The following WWTR1 variants were observed in gnomAD, a reference collection of about 807,000 sequenced individuals.
WWTR1 encodes WW domain-containing transcription regulator protein 1.
In WWTR1, 13 loss-of-function variants were observed where a neutral mutation model predicts 40.1. That is an observed-to-expected ratio of 0.32 (90% CI 0.21 to 0.52). The LOEUF (loss-of-function observed/expected upper bound fraction) is 0.52, where lower values mean the gene tolerates loss of function less well. WWTR1 is among the 20% of genes least tolerant of loss of function. The pLI, the probability that WWTR1 is intolerant of heterozygous loss-of-function variation, is 0.97. For synonymous variants in WWTR1, 230 were observed against 210.1 expected, an observed-to-expected ratio of 1.09 and a Z score of -0.82; for missense variants, 436 against 523.1, an observed-to-expected ratio of 0.83 and a Z score of 1.63.
At chr3:149,611,082 A>T (rs908403390) in intron 2 of WWTR1, among the ~76,000 whole-genome samples, 1 of 152,116 alleles carries the variant, frequency 6.6e-6, no homozygotes, top group Non-Finnish European at 1.5e-5. Flanking sequence ...TGACCCCAGG[A>T]ATTCAAGGCT....
chr3:149,599,698 T>C (rs191295780), intron 2 of WWTR1, among the ~76,000 whole-genome samples: 226 of 152,240 alleles, frequency 1.5e-3, no homozygotes, highest in African/African-American at 5.0e-3. Flanking sequence ...CTCAAGAGTA[T>C]CATTAAATCA....
chr3:149,713,672 C>T (rs372129687), intron 5 of WWTR1, among the ~76,000 whole-genome samples: 1 of 152,234 alleles, frequency 6.6e-6, no homozygotes, highest in South Asian at 2.1e-4. Flanking sequence ...TGAGCCACAG[C>T]GCCCGTCCTA....
At position 149,634,778 on chromosome 3, in the gene WWTR1, G is replaced by A. The variant is rs1004614742; in HGVS notation, c.431+22098C>T. ...TCAGCTGGCATTCGCCCTTTCACACGGATGTGCTTTCCAGACACTACCTCA... is the reference window on the plus strand; with the variant it reads ...TCAGCTGGCATTCGCCCTTTCACACAGATGTGCTTTCCAGACACTACCTCA... On this transcript the variant is annotated intron_variant, in intron 2 of 6. Transcript: ENST00000360632. 1.1e-4 allele frequency among the ~76,000 whole-genome samples: 16 copies of A among 152,310 alleles called. 1 individual carries two copies. In the Middle Eastern group the frequency reaches 0.027, roughly 259 times the overall value.
rs373242351 is a variant in WWTR1 at position 149,576,927 on chromosome 3, G to A, written c.432-3927C>T. On this transcript the variant is annotated intron_variant, in intron 2 of 6. Transcript: ENST00000360632. ...ATAAGCAGCACTTTGGGAGGCCGAG[G>A]TGGGCAGATCACCTGAGGTTGGGAG... 2.3e-4 allele frequency among the ~76,000 whole-genome samples: 35 copies of A among 152,302 alleles called. No homozygotes were observed. In the East Asian group the frequency reaches 5.0e-3, roughly 22 times the overall value.
chr3:149,684,474 A>G (rs940286872), intron 1 of WWTR1, among the ~76,000 whole-genome samples: 3 of 152,164 alleles, frequency 2.0e-5, no homozygotes, highest in South Asian at 2.1e-4. Flanking sequence ...ATAAAAACAA[A>G]TCAGTGTGTC....
At chr3:149,643,974 C>A (rs58859864) in intron 2 of WWTR1, among the ~76,000 whole-genome samples, 2,316 of 152,228 alleles carry the variant, frequency 0.015, 39 homozygotes, top group East Asian at 0.088. Context: ...CTATCTGTAA[C>A]CTCTCTAAGA....
At chr3:149,603,543 G>C (rs7631676) in intron 2 of WWTR1, among the ~76,000 whole-genome samples, 2 of 135,220 alleles carry the variant, frequency 1.5e-5, no homozygotes, top group African/African-American at 6.5e-5. Flanking sequence ...AGTTACAAAG[G>C]TTCCCCACCC....
chr3:149,700,428 C>T (rs994699389), intron 1 of WWTR1, among the ~76,000 whole-genome samples: 1 of 152,060 alleles, frequency 6.6e-6, no homozygotes, highest in African/African-American at 2.4e-5. Context: ...TCAGTGAGTA[C>T]AGAAAGGGTG....
chr3:149,635,963 T>G (rs1033265626), intron 2 of WWTR1, among the ~76,000 whole-genome samples: 1 of 152,200 alleles, frequency 6.6e-6, no homozygotes, highest in Non-Finnish European at 1.5e-5. Flanking sequence ...TTTTCTGAGA[T>G]CTGAAAAGAT....
intron 2 of WWTR1, among the ~76,000 whole-genome samples, chr3:149,627,665 C>T (rs1247664982): frequency 1.3e-5 from 2 of 152,200 alleles, no homozygotes; most frequent in African/African-American, 2.4e-5. Flanking sequence ...CAGCGGGGTT[C>T]ACCTCCAAAA....
chr3:149,626,181 C>T (rs774711516), intron 2 of WWTR1, among the ~76,000 whole-genome samples: 3 of 152,146 alleles, frequency 2.0e-5, no homozygotes, highest in African/African-American at 4.8e-5. Flanking sequence ...TTGGGAAAAC[C>T]GTGCATTTGA....
chr3:149,674,858 T>A (rs1714211484), intron 1 of WWTR1, among the ~76,000 whole-genome samples: 1 of 152,238 alleles, frequency 6.6e-6, no homozygotes, highest in Admixed American at 6.5e-5. Flanking sequence ...TCTTATATTC[T>A]ATGGTTTAAA....
chr3:149,522,956 C>T (rs1185871745), intron 6 of WWTR1, among the ~76,000 whole-genome samples: 2 of 151,722 alleles, frequency 1.3e-5, no homozygotes, highest in Non-Finnish European at 2.9e-5. Flanking sequence ...ATCCCAGCTA[C>T]TCAGGAGGCT....
At chr3:149,671,458 T>G (rs1301059991) in intron 1 of WWTR1, among the ~76,000 whole-genome samples, 3 of 152,218 alleles carry the variant, frequency 2.0e-5, no homozygotes, top group African/African-American at 7.2e-5. Flanking sequence ...TCTTCAAAAG[T>G]TTCTGCTGGC....
At chr3:149,612,107 A>G (rs928721434) in intron 2 of WWTR1, among the ~76,000 whole-genome samples, 2 of 152,160 alleles carry the variant, frequency 1.3e-5, no homozygotes. Context: ...AGACACTCAT[A>G]TTGGAAAGGT....
intron 1 of WWTR1, among the ~76,000 whole-genome samples, chr3:149,683,488 A>T (rs1714528074): frequency 6.6e-6 from 1 of 152,088 alleles, no homozygotes; most frequent in Non-Finnish European, 1.5e-5. Context: ...GAGGTCAGGA[A>T]TTCTATACCA....
At chr3:149,587,668 G>A (rs1201510362) in intron 2 of WWTR1, among the ~76,000 whole-genome samples, 1 of 152,192 alleles carries the variant, frequency 6.6e-6, no homozygotes, top group Non-Finnish European at 1.5e-5. Context: ...CTTAGGAGTA[G>A]AGGAAATACG....
chr3:149,612,205 G>A (rs1450601049), intron 2 of WWTR1, among the ~76,000 whole-genome samples: 2 of 152,152 alleles, frequency 1.3e-5, no homozygotes, highest in Non-Finnish European at 2.9e-5. Context: ...GCATATCCTT[G>A]CTATACCTGA....
chr3:149,575,217 C>T (rs908555816), intron 2 of WWTR1, among the ~76,000 whole-genome samples: 1 of 152,130 alleles, frequency 6.6e-6, no homozygotes, highest in African/African-American at 2.4e-5. Flanking sequence ...AATTGTAGTT[C>T]TGTTTAAAGC....
Sources: gnomAD v4.1 joint callset for allele counts (sites outside exome capture counted in the v4.1 genomes callset) on GRCh38, gnomAD v4.1.1 for gene constraint, MANE v1.5 for transcripts, NCBI Gene and HGNC (gene_info 2026-07-23, HGNC 2026-07-21) for gene names.